The following KMT2A variants were observed in gnomAD, a reference collection of about 807,000 sequenced individuals.
KMT2A encodes the protein histone-lysine N-methyltransferase 2A.
KMT2A carries 16 observed loss-of-function variants against 345.3 expected under a neutral mutation model. That is an observed-to-expected ratio of 0.05 (90% confidence interval 0.03 to 0.07). The LOEUF (loss-of-function observed/expected upper bound fraction) is 0.07, where lower values mean the gene tolerates loss of function less well. Ranked by LOEUF, KMT2A falls within the 10% of genes least tolerant of loss-of-function variation. The pLI, the probability that KMT2A is intolerant of heterozygous loss-of-function variation, is 1.00. For synonymous variants in KMT2A, 1,599 were observed against 1,778.6 expected (o/e 0.90, Z 2.54); for missense variants, 3,272 against 4,841.6 (o/e 0.68, Z 9.62).
chr11:118,498,739 T>C lies in KMT2A; in HGVS notation c.5961+211T>C, dbSNP rs1555044811. Among the ~76,000 whole-genome samples, 1 of 152,194 alleles carries C rather than the reference T, an allele frequency of 6.6e-6. No homozygotes were observed. Among genetic ancestry groups the C allele is most frequent in the African/African-American group, 2.4e-5 (1 of 41,448 alleles). On this transcript the variant is annotated intron_variant, in intron 22 of 35. Transcript: ENST00000534358. The surrounding 1 kb of genome is among the most constrained non-coding windows in gnomAD (Gnocchi z 4.4). Reference sequence around the variant, plus strand: ...TACACTGGACACATGGTTATCACCCTGACTCCTGTAGTTTACATCAGCATT... The same window carrying C: ...TACACTGGACACATGGTTATCACCCCGACTCCTGTAGTTTACATCAGCATT...
chr11:118,473,637 A>G lies in KMT2A; in HGVS notation c.2478A>G (p.Pro826=). Reference sequence around the variant, plus strand: ...AGCAGACTAGTGCTCCGGCAGAGCCATTTTCATCAAGTAGTCCTACTCCTC... The same window carrying G: ...AGCAGACTAGTGCTCCGGCAGAGCCGTTTTCATCAAGTAGTCCTACTCCTC... ...PRKQTSAPAE[P]FSSSSPTPLF... The change falls in exon 3 of 36, where the codon CCA becomes CCG. Residue 826 remains proline (P), a synonymous_variant. Coordinates refer to ENST00000534358, the MANE Select transcript of KMT2A (RefSeq NM_001197104.2). This position sits in a 1 kb window ranked among gnomAD's most constrained non-coding sequence, Gnocchi z 5.2. 6.2e-7 allele frequency: 1 copy of G among 1,614,108 alleles called. No individual in the cohort carries two copies. The highest frequency in any genetic ancestry group is 8.5e-7 in the Non-Finnish European group (1 of 1,180,034).
chr11:118,467,331 C>A (rs1039717845), intron 1 of KMT2A, among the ~76,000 whole-genome samples: 2 of 150,746 alleles, frequency 1.3e-5, no homozygotes, highest in Non-Finnish European at 3.0e-5. Flanking sequence ...GAGCTGAGAT[C>A]GCGCCACTGC....
chr11:118,477,767 A>G (rs1047466474), intron 4 of KMT2A, among the ~76,000 whole-genome samples, 200 bp from the exon 5 acceptor site: 1 of 151,828 alleles, frequency 6.6e-6, no homozygotes, highest in African/African-American at 2.4e-5. Flanking sequence ...TCAGCCTCCC[A>G]AAGTGCTAGG....
Position 118,503,976 on chromosome 11 carries a change from G to A in KMT2A, c.8084G>A (p.Gly2695Asp), listed in dbSNP as rs2134396341. 2 of 1,614,180 alleles carry A rather than the reference G, an allele frequency of 1.2e-6. No individual in the cohort carries two copies. Among genetic ancestry groups the A allele is most frequent in the Non-Finnish European group, 1.7e-6 (2 of 1,180,038 alleles). ...YNFTRTVISS[G>D]GEERLASHNL... ...TTCACTAGAACAGTGATTTCTTCAG[G>A]TGGAGAGGAACGACTGGCATCCCAT... is the stretch of plus-strand genomic sequence containing the variant. Residue 2695 changes from glycine (G) to aspartate (D), a missense_variant, in exon 27 of 36, where the codon GGT (glycine) becomes GAT (aspartate). Physicochemically the swap from Gly to Asp is moderately conservative, Grantham distance 94 (BLOSUM62 -1). Transcript: ENST00000534358. The surrounding 1 kb of genome is among the most constrained non-coding windows in gnomAD (Gnocchi z 5.3).
chr11:118,460,488 C>A (rs1468198862), intron 1 of KMT2A, among the ~76,000 whole-genome samples: 1 of 152,000 alleles, frequency 6.6e-6, no homozygotes, highest in Non-Finnish European at 1.5e-5. Context: ...GGGGTCTCAC[C>A]ATGTTGCCCA....
intron 5 of KMT2A, among the ~76,000 whole-genome samples, chr11:118,479,301 G>A (rs1183479640): frequency 1.3e-5 from 2 of 152,134 alleles, no homozygotes; most frequent in African/African-American, 4.8e-5. Flanking sequence ...GTCAGTTTGT[G>A]GAGGTACTTT....
rs1555039392 is a variant in KMT2A, at chr11:118,481,936, G to A, written c.3856G>A (p.Ala1286Thr). ...VSAPGPESKQ[A>T]TTPASRKSSK... ...GGCCCCTGGGCCTGAATCCAAACAG[G>A]CCACCACTCCAGCTTCCAGGAAGTC... Residue 1286 changes from alanine (A) to threonine (T), a missense_variant, in exon 7 of 36, where the codon GCC (alanine) becomes ACC (threonine). This residue lies in a region of KMT2A where 168 missense variants were observed against 216.0 expected (regional missense o/e 0.78). Coordinates refer to ENST00000534358, the MANE Select transcript of KMT2A (RefSeq NM_001197104.2). 1.2e-6 allele frequency: 2 copies of A among 1,614,036 alleles called. No homozygotes were observed. The highest frequency in any genetic ancestry group is 2.2e-5 in the South Asian group (2 of 91,086).
At chr11:118,465,717 A>G (rs1454653975) in intron 1 of KMT2A, among the ~76,000 whole-genome samples, 1 of 152,102 alleles carries the variant, frequency 6.6e-6, no homozygotes, top group Non-Finnish European at 1.5e-5. Flanking sequence ...ATAATATTCT[A>G]TGATTTTTTT....
At chr11:118,482,749 A>G (rs2134304719) in intron 8 of KMT2A, among the ~76,000 whole-genome samples, 1 of 124,110 alleles carries the variant, frequency 8.1e-6, no homozygotes, top group South Asian at 2.4e-4. Flanking sequence ...GTCTTTATTT[A>G]AACAAAAAAA....
intron 1 of KMT2A, among the ~76,000 whole-genome samples, chr11:118,456,989 C>T (rs1382974176): frequency 1.3e-5 from 2 of 152,114 alleles, no homozygotes; most frequent in Non-Finnish European, 2.9e-5. Flanking sequence ...ATATCAAAGT[C>T]TTGTCCATTT....
intron 5 of KMT2A, among the ~76,000 whole-genome samples, 166 bp downstream of exon 5, chr11:118,478,367 A>G (rs1329938499): frequency 1.3e-5 from 2 of 152,218 alleles, no homozygotes; most frequent in Non-Finnish European, 2.9e-5. Flanking sequence ...TAAATAAGAA[A>G]TACTCTGGGG....
At chr11:118,517,395 C>CAAAAAAAA (rs11436622) in intron 31 of KMT2A, among the ~76,000 whole-genome samples, 2 of 113,868 alleles carry the variant, frequency 1.8e-5, no homozygotes, top group Non-Finnish European at 1.7e-5. Flanking sequence ...GACTCTGTCT[C>CAAAAAAAA]AAAAAAAAAA....
At chr11:118,470,031 T>TC (rs1949916491) in intron 2 of KMT2A, among the ~76,000 whole-genome samples, 2 of 152,146 alleles carry the variant, frequency 1.3e-5, no homozygotes, top group Non-Finnish European at 2.9e-5. Context: ...TGTTTATAGA[T>TC]GAAAAAATGA....
At position 118,491,026 on chromosome 11, in the gene KMT2A, A is replaced by G. The variant is rs1284697900; in HGVS notation, c.4697-170A>G. Among the ~76,000 whole-genome samples the G allele has an allele frequency of 6.6e-6, 1 of 152,238 alleles. No individual in the cohort carries two copies. Among genetic ancestry groups the G allele is most frequent in the Non-Finnish European group, 1.5e-5 (1 of 68,038 alleles). On this transcript the variant is annotated intron_variant, in intron 13 of 35. Transcript: ENST00000534358. The surrounding 1 kb of genome is among the most constrained non-coding windows in gnomAD (Gnocchi z 4.2). ...TTTTCTGTGAGTATTCGAGGGGCTC[A>G]GAATAATCTTGAGACTGCAGATGTG... is the stretch of plus-strand genomic sequence containing the variant.
Position 118,504,709 on chromosome 11 carries a change from C to T in KMT2A, c.8817C>T (p.Thr2939=), listed in dbSNP as rs782301834. Residue 2939 remains threonine (T), a synonymous_variant, in exon 27 of 36, where the codon ACC becomes ACT. Transcript: ENST00000534358. This position sits in a 1 kb window ranked among gnomAD's most constrained non-coding sequence, Gnocchi z 6.4. ...CATCTGATCTGTCTGTCTTGACCAC[C>T]CGGAGTCCCACTGTCCCCAGCCAGA... ...ELPSDLSVLT[T]RSPTVPSQNP... 6.2e-7 allele frequency: 1 copy of T among 1,614,126 alleles called. No individual in the cohort carries two copies. The highest frequency in any genetic ancestry group is 8.5e-7 in the Non-Finnish European group (1 of 1,180,030).
At position 118,502,180 on chromosome 11, in the gene KMT2A, G is replaced by C. The variant is rs2134383363; in HGVS notation, c.6506-218G>C. 6.6e-6 allele frequency among the ~76,000 whole-genome samples: 1 copy of C among 152,202 alleles called. No individual in the cohort carries two copies. The highest frequency in any genetic ancestry group is 2.4e-5 in the African/African-American group (1 of 41,544). ...AGGCAGGAGAATCGCTGGAACCCAG[G>C]AGGTGGAGGTTGCAGTAAGCCGAGA... On this transcript the variant is annotated intron_variant, in intron 26 of 35. Transcript: ENST00000534358. The surrounding 1 kb of genome is among the most constrained non-coding windows in gnomAD (Gnocchi z 4.9).
In KMT2A at chr11:118,489,859, C is replaced by A. The variant is rs782502838; in HGVS notation, c.4547C>A (p.Thr1516Asn). The change falls in exon 12 of 36, where the codon ACC (threonine) becomes AAC (asparagine). Residue 1516 changes from threonine to asparagine, a missense_variant. Around this residue, in one of 27 missense-constraint regions of KMT2A, gnomAD observed 120 missense variants for 280.4 expected, o/e 0.43. Transcript: ENST00000534358. The stretch of plus-strand genomic sequence containing the variant: ...GAGTGCCTGGGACCAAACTACCCCA[C>A]CAAACCCACAAAGAAGAAGAAAGTC... Reference protein sequence around the residue: ...HPECLGPNYPTKPTKKKKVWI... With the variant: ...HPECLGPNYPNKPTKKKKVWI... The A allele has an allele frequency of 6.2e-7, 1 of 1,614,136 alleles. No individual in the cohort carries two copies. Among genetic ancestry groups the A allele is most frequent in the Admixed American group, 1.7e-5 (1 of 60,022 alleles).
At chr11:118,442,013 G>C (rs184898825) in intron 1 of KMT2A, among the ~76,000 whole-genome samples, 1 of 152,344 alleles carries the variant, frequency 6.6e-6, no homozygotes, top group East Asian at 1.9e-4. Flanking sequence ...AGGCATAACA[G>C]ACTGCAGTGC....
Position 118,436,914 on chromosome 11 carries a change from G to T in KMT2A, c.402G>T (p.Gly134=). 6.4e-7 allele frequency: 1 copy of T among 1,565,630 alleles called. No individual in the cohort carries two copies. ...TGCGCCGGTTCCGGGCCGTGTTTGG[G>T]GAGAGCGGCGGGGGAGGCGGCAGCG... is the stretch of plus-strand genomic sequence containing the variant. ...TNLRRFRAVF[G]ESGGGGGSGE... Residue 134 remains glycine, a synonymous_variant, in exon 1 of 36, where the codon GGG becomes GGT. Transcript: ENST00000534358. The surrounding 1 kb of genome is among the most constrained non-coding windows in gnomAD (Gnocchi z 6.9).
Sources: gnomAD v4.1 joint callset for allele counts (sites outside exome capture counted in the v4.1 genomes callset) on GRCh38, gnomAD v4.1.1 for gene constraint, gnomAD v4.1.1 regional missense constraint, Gnocchi (gnomAD v3.1) non-coding constraint, MANE v1.5 for transcripts, NCBI Gene and HGNC (gene_info 2026-07-23, HGNC 2026-07-21) for gene names.